Variants in CREG2 observed in about 807,000 individuals in gnomAD.
The protein encoded by CREG2 is protein CREG2.
A neutral mutation model predicts 26.2 loss-of-function variants in CREG2; 24 were observed. The observed-to-expected ratio is 0.92, with a 90% CI of 0.66 to 1.29. CREG2 has a LOEUF of 1.29. CREG2 is among the 50% of genes most tolerant of loss of function. The probability of loss-of-function intolerance (pLI) is 0.00; values close to 1 mark genes in which losing one functional copy is unlikely to be tolerated. For missense variants in CREG2, 366 were observed against 398.6 expected, an observed-to-expected ratio of 0.92 and a Z score of 0.70; for synonymous variants, 174 against 169.2, an observed-to-expected ratio of 1.03 and a Z score of -0.22.
At chr2:101,385,950 C>A (rs1330905109) in intron 1 of CREG2, among the ~76,000 whole-genome samples, 1 of 152,206 alleles carries the variant, frequency 6.6e-6, no homozygotes, top group Non-Finnish European at 1.5e-5. Flanking sequence ...CAACTAAGAT[C>A]AGTGTCATCT....
intron 2 of CREG2, among the ~76,000 whole-genome samples, chr2:101,372,632 A>T (rs1469840996): frequency 6.6e-6 from 1 of 152,246 alleles, no homozygotes; most frequent in Non-Finnish European, 1.5e-5. Context: ...GACAGAGAAC[A>T]TGTGCAACTG....
At chr2:101,382,444 A>G (rs1451309016) in intron 2 of CREG2, 5 of 854,042 alleles carry the variant, frequency 5.9e-6, no homozygotes, top group African/African-American at 1.9e-5. Flanking sequence ...AAAAAAAAAG[A>G]GTAAGAAAAG....
chr2:101,357,789 CAG>C (rs1684483640), intron 2 of CREG2, among the ~76,000 whole-genome samples: 1 of 151,754 alleles, frequency 6.6e-6, no homozygotes, highest in South Asian at 2.1e-4. Context: ...ATGGAGCTCA[CAG>C]GGGTGCAGCC....
At chr2:101,376,811 A>G (rs1573314808) in intron 2 of CREG2, among the ~76,000 whole-genome samples, 1 of 152,212 alleles carries the variant, frequency 6.6e-6, no homozygotes, top group East Asian at 1.9e-4. Flanking sequence ...TAATGGACAG[A>G]GGGAAATACT....
chr2:101,350,910 T>C lies in CREG2; in HGVS notation c.*13A>G, dbSNP rs1684371797. The C allele has an allele frequency of 6.2e-7, 1 of 1,613,564 alleles. No homozygotes were observed. The highest frequency in any genetic ancestry group is 1.7e-5 in the Admixed American group (1 of 59,882). On this transcript the variant is annotated 3_prime_UTR_variant, in exon 4 of 4. Transcript: ENST00000324768. ...ATTTAAGTGCAAACACCAAGGACTT[T>C]CTTCTCACTCCATCAGGCCTTTCTG...
chr2:101,355,173 G>A (rs893411605), intron 3 of CREG2, 80 bp downstream of exon 3: 44 of 880,684 alleles, frequency 5.0e-5, no homozygotes, highest in Non-Finnish European at 7.5e-5. Flanking sequence ...TTGCATCAGA[G>A]GCATCTAATG....
intron 2 of CREG2, chr2:101,382,379 T>G (rs1371237110): frequency 1.8e-6 from 1 of 547,538 alleles, no homozygotes; most frequent in African/African-American, 2.1e-5. Flanking sequence ...TGAACCGAGA[T>G]TGCGCCACTG....
chr2:101,366,507 A>G (rs1366199600), intron 2 of CREG2, among the ~76,000 whole-genome samples: 1 of 152,088 alleles, frequency 6.6e-6, no homozygotes, highest in Admixed American at 6.6e-5. Context: ...GGAAAAAAAA[A>G]GCTACAGTAC....
chr2:101,375,803 A>T (rs1222617180), intron 2 of CREG2: 1 of 153,780 alleles, frequency 6.5e-6, no homozygotes, highest in Non-Finnish European at 1.5e-5. Context: ...ACAGTGTTTT[A>T]CTCCTGGACC....
intron 2 of CREG2, among the ~76,000 whole-genome samples, chr2:101,381,868 G>A (rs1173075317): frequency 6.6e-6 from 1 of 152,194 alleles, no homozygotes; most frequent in Non-Finnish European, 1.5e-5. Flanking sequence ...GCTCTAGGCT[G>A]TGCAGGCAAG....
intron 2 of CREG2, among the ~76,000 whole-genome samples, chr2:101,378,008 G>A (rs1055940334): frequency 5.3e-5 from 8 of 152,150 alleles, no homozygotes; most frequent in Non-Finnish European, 7.3e-5. Context: ...TATTGTGTGA[G>A]CATGGCCACA....
In CREG2 at chr2:101,387,289, C is replaced by T. The variant is rs1259771979; in HGVS notation, c.169G>A (p.Glu57Lys). 3 of 1,486,988 alleles carry T rather than the reference C, an allele frequency of 2.0e-6. No individual in the cohort carries two copies. Among genetic ancestry groups the T allele is most frequent in the African/African-American group, 1.4e-5 (1 of 69,042 alleles). The allele number at this position is 1,486,988 out of a possible 1,614,324, so 92.1% of individuals were successfully genotyped here. ...TCCTCTAGCAGCGCGGGCATAGCCT[C>T]CTCAGTGGAGGCGCTGTCCAGCTCC... ...DEELDSASTE[E>K]AMPALLEDSG... The change falls in exon 1 of 4, where the codon GAG becomes AAG. Residue 57 changes from glutamate to lysine, a missense_variant. Coordinates refer to ENST00000324768, the MANE Select transcript of CREG2 (RefSeq NM_153836.4). The surrounding 1 kb of genome is among the most constrained non-coding windows in gnomAD (Gnocchi z 4.7).
intron 2 of CREG2, among the ~76,000 whole-genome samples, chr2:101,370,520 G>A (rs1684688379): frequency 6.6e-6 from 1 of 152,166 alleles, no homozygotes. Context: ...ATTAATGGGA[G>A]GGCTTAGGAC....
chr2:101,364,159 C>A (rs1425887624), intron 2 of CREG2, among the ~76,000 whole-genome samples: 1 of 152,158 alleles, frequency 6.6e-6, no homozygotes, highest in African/African-American at 2.4e-5. Flanking sequence ...CAATAGAACC[C>A]ATTGAGATAT....
chr2:101,381,359 T>C (rs1684870615), intron 2 of CREG2, among the ~76,000 whole-genome samples: 1 of 152,198 alleles, frequency 6.6e-6, no homozygotes, highest in South Asian at 2.1e-4. Flanking sequence ...TGGCTTTGAC[T>C]TGTTAAGTCC....
At chr2:101,382,697 C>T in intron 2 of CREG2, 1 of 985,320 alleles carries the variant, frequency 1.0e-6, no homozygotes, top group Non-Finnish European at 1.2e-6. Context: ...AGAACTAATA[C>T]ATTGTTTGGT....
intron 3 of CREG2, among the ~76,000 whole-genome samples, chr2:101,353,194 C>G (rs189433740): frequency 6.6e-6 from 1 of 152,166 alleles, no homozygotes; most frequent in Admixed American, 6.5e-5. Context: ...AATTTTCACC[C>G]GTTCTGTAGG....
rs1459410610 is a variant in CREG2, at chr2:101,347,671, A to AT, written c.*3251dup. On this transcript the variant is annotated 3_prime_UTR_variant, in exon 4 of 4. Transcript: ENST00000324768. ...TCATGTGCTCCATTTTCTAATTAGA[A>AT]TTTTTTAGCTGTTGAGTTTTGACAG... is the stretch of plus-strand genomic sequence containing the variant. The AT allele has an allele frequency of 6.6e-6, 1 of 151,994 alleles. No individual in the cohort carries two copies. Among genetic ancestry groups the AT allele is most frequent in the African/African-American group, 2.4e-5 (1 of 41,374 alleles). 9.4% of individuals were successfully genotyped at this position (151,994 alleles called of 1,614,324 possible).
chr2:101,353,965 G>T (rs375158712), intron 3 of CREG2, among the ~76,000 whole-genome samples: 1 of 152,042 alleles, frequency 6.6e-6, no homozygotes, highest in Non-Finnish European at 1.5e-5. Flanking sequence ...GGGGCCTGTC[G>T]GGGGGTGGAG....
Sources: allele counts gnomAD v4.1 joint callset (sites outside exome capture counted in the v4.1 genomes callset), GRCh38; gene constraint gnomAD v4.1.1; non-coding constraint Gnocchi (gnomAD v3.1); transcripts MANE v1.5; gene names NCBI Gene and HGNC (gene_info 2026-07-23, HGNC 2026-07-21).